Variants in FRMD6 observed in about 807,000 individuals in gnomAD.
FRMD6 encodes FERM domain containing 6.
FRMD6 carries 37 observed loss-of-function variants against 73.2 expected under a neutral mutation model. The ratio of observed to expected loss-of-function variants is 0.51; its 90% CI spans 0.39 to 0.66. The LOEUF (loss-of-function observed/expected upper bound fraction) is 0.66, where lower values mean the gene tolerates loss of function less well. FRMD6 is among the 30% of genes least tolerant of loss of function. FRMD6 has a pLI of 0.00. For synonymous variants in FRMD6, 273 were observed against 282.2 expected (o/e 0.97, Z 0.33); for missense variants, 714 against 780.5 (o/e 0.91, Z 1.02).
At chr14:51,562,117 G>A (rs1474158734) in intron 1 of FRMD6, among the ~76,000 whole-genome samples, 1 of 152,194 alleles carries the variant, frequency 6.6e-6, no homozygotes, top group African/African-American at 2.4e-5. Flanking sequence ...TGAGCGATGA[G>A]TATTTGAGGA....
At chr14:51,538,522 A>G (rs938700812) in intron 1 of FRMD6, among the ~76,000 whole-genome samples, 17 of 152,226 alleles carry the variant, frequency 1.1e-4, no homozygotes, top group Admixed American at 2.0e-4. Context: ...AAAGCTTTAT[A>G]GTTTTAATGC....
At chr14:51,674,343 A>T (rs1894233105) in intron 1 of FRMD6, among the ~76,000 whole-genome samples, 1 of 152,148 alleles carries the variant, frequency 6.6e-6, no homozygotes, top group Non-Finnish European at 1.5e-5. Context: ...AGATAAGGTG[A>T]TTCCAAGGCA....
the FRMD6 span, among the ~76,000 whole-genome samples, chr14:51,427,886 T>C: frequency 1.3e-5 from 2 of 152,190 alleles, no homozygotes; most frequent in Non-Finnish European, 2.9e-5. Context: ...AAAGACCTGG[T>C]TGTTAAACAT....
the FRMD6 span, among the ~76,000 whole-genome samples, chr14:51,410,739 A>C: frequency 6.6e-6 from 1 of 152,334 alleles, no homozygotes; most frequent in Admixed American, 6.5e-5. Context: ...CCTTTTTCTC[A>C]TGCATAAATA....
At chr14:51,683,458 TA>T (rs1460488864) in intron 1 of FRMD6, among the ~76,000 whole-genome samples, 5 of 145,012 alleles carry the variant, frequency 3.4e-5, no homozygotes, top group African/African-American at 7.7e-5. Flanking sequence ...TTTTTTTTTT[TA>T]AACTTTTTTA....
chr14:51,454,525 T>A, the FRMD6 span: 1 of 152,172 alleles, frequency 6.6e-6, no homozygotes, highest in African/African-American at 2.4e-5. Flanking sequence ...TGAATCACAG[T>A]CCCACCACTG....
intron 2 of FRMD6, among the ~76,000 whole-genome samples, chr14:51,603,943 A>G (rs897282264): frequency 6.8e-5 from 4 of 58,976 alleles, no homozygotes; most frequent in Non-Finnish European, 1.2e-4. Flanking sequence ...CTCTTGTGAT[A>G]CAAAAAAAAA....
At chr14:51,471,353 T>C in the FRMD6 span, among the ~76,000 whole-genome samples, 1 of 151,948 alleles carries the variant, frequency 6.6e-6, no homozygotes, top group South Asian at 2.1e-4. Flanking sequence ...AACAAAAAAT[T>C]AGCCGGGCGT....
chr14:51,692,167 A>G (rs1895634423), intron 2 of FRMD6, among the ~76,000 whole-genome samples: 1 of 152,140 alleles, frequency 6.6e-6, no homozygotes, highest in South Asian at 2.1e-4. Context: ...TCCAATGATT[A>G]GCTACATTGC....
intron 1 of FRMD6, among the ~76,000 whole-genome samples, chr14:51,561,286 G>T (rs1887464325): frequency 1.3e-5 from 2 of 152,114 alleles, no homozygotes; most frequent in South Asian, 4.1e-4. Flanking sequence ...TTTCTCTTGT[G>T]GCCTCTAACC....
chr14:51,670,559 G>T (rs898358110), intron 1 of FRMD6, among the ~76,000 whole-genome samples: 2 of 151,850 alleles, frequency 1.3e-5, no homozygotes, highest in Admixed American at 1.3e-4. Flanking sequence ...TAGTTGCATT[G>T]AATATATAGA....
intron 1 of FRMD6, among the ~76,000 whole-genome samples, chr14:51,678,928 T>C (rs1195774481): frequency 2.0e-5 from 3 of 152,156 alleles, no homozygotes; most frequent in Non-Finnish European, 1.5e-5. Context: ...AAAGCAAGAC[T>C]TGTTCAGGGA....
At chr14:51,539,295 C>T (rs551628696) in intron 1 of FRMD6, among the ~76,000 whole-genome samples, 1 of 150,264 alleles carries the variant, frequency 6.7e-6, no homozygotes, top group Non-Finnish European at 1.5e-5. Flanking sequence ...CCATGTCTGT[C>T]CCTTTTGGGA....
At position 51,720,254 on chromosome 14, in the gene FRMD6, A is replaced by G. The variant is rs2277494; in HGVS notation, c.1224A>G (p.Pro408=). ...ACACCAAGCCCCGGGACACGGGGCC[A>G]GAAGACAGCTACTCCAGCAGTGCCA... ...EADTKPRDTG[P]EDSYSSSAIH... is the part of the protein sequence containing the mutation. Residue 408 remains proline (P), a synonymous_variant, in exon 11 of 14, where the codon CCA becomes CCG. Transcript: ENST00000344768. 387,442 of 1,613,788 alleles carry G rather than the reference A, an allele frequency of 0.24. 49,405 individuals carry two copies. Among genetic ancestry groups the G allele is most frequent in the African/African-American group, 0.37 (27,536 of 74,912 alleles).
At chr14:51,465,265 A>C in the FRMD6 span, among the ~76,000 whole-genome samples, 1 of 152,224 alleles carries the variant, frequency 6.6e-6, no homozygotes, top group South Asian at 2.1e-4. Context: ...AGTTTACTGA[A>C]AAAAATTTTA....
chr14:51,425,023 C>T, the FRMD6 span, among the ~76,000 whole-genome samples: 17 of 152,236 alleles, frequency 1.1e-4, no homozygotes, highest in South Asian at 2.9e-3. Context: ...CAGGGAATTC[C>T]GGGTCATGGT....
At chr14:51,454,948 T>G in the FRMD6 span, 1 of 152,214 alleles carries the variant, frequency 6.6e-6, no homozygotes, top group Non-Finnish European at 1.5e-5. Flanking sequence ...TGGTTCATTC[T>G]AGCGAATAAT....
chr14:51,548,620 ACT>A (rs1200523211), intron 1 of FRMD6, among the ~76,000 whole-genome samples: 4 of 152,156 alleles, frequency 2.6e-5, no homozygotes, highest in Non-Finnish European at 2.9e-5. Context: ...ATTGGACTAA[ACT>A]CTCAATTTTT....
intron 1 of FRMD6, among the ~76,000 whole-genome samples, chr14:51,520,196 A>G (rs984083792): frequency 2.0e-5 from 3 of 152,218 alleles, no homozygotes; most frequent in Non-Finnish European, 2.9e-5. Context: ...AAGAAGATAT[A>G]TGAGTGGCCA....
Sources: gnomAD v4.1 joint callset for allele counts (sites outside exome capture counted in the v4.1 genomes callset) on GRCh38, gnomAD v4.1.1 for gene constraint, MANE v1.5 for transcripts, NCBI Gene and HGNC (gene_info 2026-07-23, HGNC 2026-07-21) for gene names.